The following SGCZ variants were observed in gnomAD, a reference collection of about 807,000 sequenced individuals.
SGCZ encodes sarcoglycan zeta, also known as zeta-sarcoglycan.
In SGCZ, 40 loss-of-function variants were observed where a neutral mutation model predicts 41.3. That is an observed-to-expected ratio of 0.97 (90% CI 0.75 to 1.26). The LOEUF (loss-of-function observed/expected upper bound fraction) is 1.26, where lower values mean the gene tolerates loss of function less well. Among genes scored for constraint, SGCZ ranks in the 50% most tolerant of loss-of-function variants. SGCZ has a pLI of 0.00. For synonymous variants in SGCZ, 206 were observed against 137.5 expected, an observed-to-expected ratio of 1.50 and a Z score of -3.49; for missense variants, 552 against 369.8, an observed-to-expected ratio of 1.49 and a Z score of -4.04.
At position 14,627,663 on chromosome 8, in the gene SGCZ, T is replaced by C. The variant is rs536420830; in HGVS notation, c.40-72737A>G. Among the ~76,000 whole-genome samples the C allele has an allele frequency of 2.0e-5, 3 of 152,280 alleles. No homozygotes were observed. In the South Asian group the frequency reaches 6.2e-4, roughly 32 times the overall value. ...TTCCTATGAAATATTCTCATTTTAA[T>C]TTCTGAATGATTGTCCTTGGATTAG... On this transcript the variant is annotated intron_variant, in intron 1 of 7. Transcript: ENST00000382080.
chr8:14,659,296 C>T (rs947422140), intron 1 of SGCZ, among the ~76,000 whole-genome samples: 1 of 151,994 alleles, frequency 6.6e-6, no homozygotes, highest in Non-Finnish European at 1.5e-5. Flanking sequence ...GGTGATTAAC[C>T]CGATTTGATC....
chr8:14,554,969 A>G (rs921671827), intron 1 of SGCZ, 43 bp from the exon 2 acceptor site: 44 of 1,494,444 alleles, frequency 2.9e-5, no homozygotes, highest in Admixed American at 2.7e-4. Flanking sequence ...GGAAAAAAAA[A>G]GAAGCATTAA....
chr8:15,115,295 T>C (rs532564155), intron 1 of SGCZ, among the ~76,000 whole-genome samples: 3 of 152,202 alleles, frequency 2.0e-5, no homozygotes, highest in African/African-American at 7.2e-5. Context: ...AAGTGACACA[T>C]AAATGACTTC....
chr8:15,182,594 G>C (rs1585648597), intron 1 of SGCZ, among the ~76,000 whole-genome samples: 1 of 152,110 alleles, frequency 6.6e-6, no homozygotes, highest in African/African-American at 2.4e-5. Context: ...TGGCACACCT[G>C]TATAGGACCC....
chr8:14,765,707 T>C (rs1346068950), intron 1 of SGCZ, among the ~76,000 whole-genome samples: 1 of 152,200 alleles, frequency 6.6e-6, no homozygotes, highest in Non-Finnish European at 1.5e-5. Flanking sequence ...GTGCATTTTA[T>C]GGCATGACAA....
intron 1 of SGCZ, among the ~76,000 whole-genome samples, chr8:15,140,865 C>G (rs948163706): frequency 9.9e-5 from 15 of 152,126 alleles, no homozygotes; most frequent in African/African-American, 3.6e-4. Context: ...AAGCATAAAA[C>G]AGAAACAAAT....
chr8:15,229,920 G>A (rs576410516), intron 1 of SGCZ, among the ~76,000 whole-genome samples: 4 of 152,254 alleles, frequency 2.6e-5, no homozygotes, highest in African/African-American at 7.2e-5. Flanking sequence ...AAACATGTGT[G>A]GAAATAAGTT....
At chr8:14,091,115 C>T (rs903286762) in intron 7 of SGCZ, among the ~76,000 whole-genome samples, 7 of 151,860 alleles carry the variant, frequency 4.6e-5, no homozygotes, top group African/African-American at 1.7e-4. Context: ...TTTTAGTTTG[C>T]TGAGAATCAT....
At chr8:14,978,946 G>T (rs1053123883) in intron 1 of SGCZ, among the ~76,000 whole-genome samples, 2 of 152,078 alleles carry the variant, frequency 1.3e-5, no homozygotes, top group African/African-American at 4.8e-5. Context: ...CTACAGGCAT[G>T]TGCCACCACG....
chr8:14,317,509 A>G (rs1216100228), intron 3 of SGCZ, among the ~76,000 whole-genome samples: 2 of 151,868 alleles, frequency 1.3e-5, no homozygotes, highest in African/African-American at 4.8e-5. Flanking sequence ...ACACCCAAAC[A>G]CCCCAAATAA....
At chr8:14,309,592 C>T in intron 3 of SGCZ, 1 of 1,610,708 alleles carries the variant, frequency 6.2e-7, no homozygotes, top group Non-Finnish European at 8.5e-7. Flanking sequence ...GGACTTCATC[C>T]AAAGATAGTG....
At chr8:15,149,708 C>T (rs1799125901) in intron 1 of SGCZ, among the ~76,000 whole-genome samples, 1 of 70,526 alleles carries the variant, frequency 1.4e-5, no homozygotes. Flanking sequence ...TAACTATAAA[C>T]TACAAAAAAA....
intron 1 of SGCZ, among the ~76,000 whole-genome samples, chr8:14,713,705 A>G (rs1809596127): frequency 2.2e-5 from 3 of 136,590 alleles, no homozygotes; most frequent in Non-Finnish European, 1.5e-5. Flanking sequence ...GAAAAAAAAA[A>G]AAGCTAAAGA....
At chr8:15,002,403 G>C (rs527294261) in intron 1 of SGCZ, among the ~76,000 whole-genome samples, 1 of 152,194 alleles carries the variant, frequency 6.6e-6, no homozygotes, top group Non-Finnish European at 1.5e-5. Flanking sequence ...CATATAGTAC[G>C]TTTTATTTTA....
chr8:14,345,969 G>C (rs1222574535), intron 2 of SGCZ, among the ~76,000 whole-genome samples: 1 of 152,046 alleles, frequency 6.6e-6, no homozygotes, highest in Non-Finnish European at 1.5e-5. Flanking sequence ...AATTTTTAGG[G>C]CAGAGAAACT....
chr8:14,326,991 C>CA (rs10709214), intron 2 of SGCZ, among the ~76,000 whole-genome samples: 3,199 of 149,566 alleles, frequency 0.021, 85 homozygotes, highest in African/African-American at 0.054. Context: ...CTTAAAGTGG[C>CA]AAAAAAAAAT....
intron 3 of SGCZ, among the ~76,000 whole-genome samples, chr8:14,246,706 G>T (rs1799105348): frequency 6.6e-6 from 1 of 151,648 alleles, no homozygotes; most frequent in Non-Finnish European, 1.5e-5. Context: ...AGGAGATCAA[G>T]ACCATCCTGG....
At chr8:15,142,828 C>G (rs765550518) in intron 1 of SGCZ, among the ~76,000 whole-genome samples, 12 of 152,110 alleles carry the variant, frequency 7.9e-5, no homozygotes, top group South Asian at 2.1e-4. Context: ...CCAGGCTGGT[C>G]TCAAACTCCT....
chr8:14,592,594 C>A (rs1563138189), intron 1 of SGCZ, among the ~76,000 whole-genome samples: 1 of 149,256 alleles, frequency 6.7e-6, no homozygotes, highest in South Asian at 2.1e-4. Flanking sequence ...TTTCCTTATT[C>A]AAAAAAAAAA....
Sources: gnomAD v4.1 joint callset for allele counts (sites outside exome capture counted in the v4.1 genomes callset) on GRCh38, gnomAD v4.1.1 for gene constraint, MANE v1.5 for transcripts, NCBI Gene and HGNC (gene_info 2026-07-23, HGNC 2026-07-21) for gene names.